RYR2: variants seen among roughly 807,000 people sequenced by gnomAD.
RYR2 encodes the protein ryanodine receptor 2.
Under a neutral mutation model 601.1 loss-of-function variants are expected in RYR2, and 227 were observed. The ratio of observed to expected loss-of-function variants is 0.38; its 90% CI spans 0.34 to 0.42. The LOEUF is 0.42. Ranked by LOEUF, RYR2 falls within the 10% of genes least tolerant of loss-of-function variation. The pLI is 1.00. For synonymous variants in RYR2, 2,223 were observed against 2,175.1 expected (o/e 1.02, Z -0.61); for missense variants, 4,646 against 6,156.5 (o/e 0.75, Z 8.21).
chr1:237,356,028 G>C, intron 4 of RYR2, 43 bp downstream of exon 4: 1 of 1,568,500 alleles, frequency 6.4e-7, no homozygotes, highest in Non-Finnish European at 8.7e-7. Context: ...TGATCTAAAA[G>C]TGCATGCTTG....
chr1:237,577,946 G>A (rs764486373), intron 29 of RYR2, among the ~76,000 whole-genome samples: 1 of 152,096 alleles, frequency 6.6e-6, no homozygotes, highest in Non-Finnish European at 1.5e-5. Flanking sequence ...TGGATTCCAG[G>A]CACATGCCAC....
chr1:237,216,200 G>A (rs1286050250), intron 1 of RYR2, among the ~76,000 whole-genome samples: 2 of 151,950 alleles, frequency 1.3e-5, no homozygotes, highest in South Asian at 4.2e-4. Context: ...GAATTTTCAG[G>A]TTCATAGATG....
At chr1:237,760,749 T>C (rs1338428726) in intron 83 of RYR2, among the ~76,000 whole-genome samples, 2 of 152,186 alleles carry the variant, frequency 1.3e-5, no homozygotes, top group Admixed American at 6.5e-5. Context: ...GACTTTCACA[T>C]GGATCATTTC....
intron 1 of RYR2, among the ~76,000 whole-genome samples, chr1:237,169,530 C>A (rs1439172866): frequency 9.6e-5 from 2 of 20,852 alleles, no homozygotes; most frequent in Non-Finnish European, 1.4e-3. Context: ...GAACTCCTGA[C>A]CTCGTGATCC....
chr1:237,187,658 G>T (rs1679519510), intron 1 of RYR2, among the ~76,000 whole-genome samples: 1 of 151,458 alleles, frequency 6.6e-6, no homozygotes, highest in South Asian at 2.1e-4. Context: ...TACCCAGGCT[G>T]GTATTGACCT....
intron 1 of RYR2, among the ~76,000 whole-genome samples, chr1:237,071,905 C>T (rs867362763): frequency 3.9e-5 from 6 of 152,206 alleles, no homozygotes; most frequent in South Asian, 2.1e-4. Flanking sequence ...GGTGTGTTAT[C>T]GCTGCCTTGA....
chr1:237,670,009 G>A (rs921708387), intron 58 of RYR2, among the ~76,000 whole-genome samples: 13 of 152,160 alleles, frequency 8.5e-5, no homozygotes, highest in Middle Eastern at 3.4e-3. Flanking sequence ...ATTGAGCACT[G>A]AGTGAACGAG....
intron 1 of RYR2, among the ~76,000 whole-genome samples, chr1:237,250,719 C>T (rs1470388481): frequency 6.6e-6 from 1 of 152,206 alleles, no homozygotes; most frequent in African/African-American, 2.4e-5. Context: ...ACCACCTCCA[C>T]CTGTGCTTTG....
chr1:237,806,869 G>A (rs1295993339), intron 99 of RYR2, among the ~76,000 whole-genome samples: 1 of 152,198 alleles, frequency 6.6e-6, no homozygotes, highest in Non-Finnish European at 1.5e-5. Flanking sequence ...AATGGAACCT[G>A]TTCTTAATGT....
At chr1:237,062,650 TCATCTGTA>T (rs1196697884) in intron 1 of RYR2, among the ~76,000 whole-genome samples, 1 of 152,228 alleles carries the variant, frequency 6.6e-6, no homozygotes, top group Non-Finnish European at 1.5e-5. Flanking sequence ...CCCAGTCATG[TCATCTGTA>T]CATACTGACC....
At chr1:237,642,660 G>A (rs1360137566) in intron 47 of RYR2, among the ~76,000 whole-genome samples, 10 of 152,186 alleles carry the variant, frequency 6.6e-5, no homozygotes, top group East Asian at 1.9e-4. Flanking sequence ...TGAGTTTCAC[G>A]CCCTGTAATG....
chr1:237,448,421 A>G (rs531056480), intron 14 of RYR2, among the ~76,000 whole-genome samples: 112 of 152,338 alleles, frequency 7.4e-4, no homozygotes, highest in Non-Finnish European at 1.3e-3. Context: ...GGCTTAGAAT[A>G]AACTTTATTT....
At chr1:237,690,383 C>G (rs933006237) in intron 63 of RYR2, among the ~76,000 whole-genome samples, 3 of 152,042 alleles carry the variant, frequency 2.0e-5, no homozygotes, top group Non-Finnish European at 4.4e-5. Flanking sequence ...ACCTAATAAA[C>G]CTAGAGATCA....
At chr1:237,467,411 A>G (rs989018486) in intron 16 of RYR2, among the ~76,000 whole-genome samples, 1 of 152,140 alleles carries the variant, frequency 6.6e-6, no homozygotes, top group African/African-American at 2.4e-5. Context: ...CTTACAGAAT[A>G]AAATTAGTTC....
At chr1:237,046,391 A>G (rs941049718) in intron 1 of RYR2, among the ~76,000 whole-genome samples, 2 of 152,222 alleles carry the variant, frequency 1.3e-5, no homozygotes, top group African/African-American at 4.8e-5. Flanking sequence ...AAAGAATACC[A>G]AGTCAGTTTT....
chr1:237,595,829 C>T (rs989962824), intron 34 of RYR2, among the ~76,000 whole-genome samples, 172 bp downstream of exon 34: 2 of 152,172 alleles, frequency 1.3e-5, no homozygotes, highest in African/African-American at 4.8e-5. Flanking sequence ...ATAGCTGTCC[C>T]AGCCACTGCA....
At chr1:237,346,833 C>T (rs925169683) in intron 3 of RYR2, among the ~76,000 whole-genome samples, 1 of 152,156 alleles carries the variant, frequency 6.6e-6, no homozygotes, top group Non-Finnish European at 1.5e-5. Flanking sequence ...TACATAATCC[C>T]ATATGATATT....
intron 4 of RYR2, among the ~76,000 whole-genome samples, chr1:237,357,883 A>T (rs1235617554): frequency 1.3e-5 from 2 of 152,206 alleles, no homozygotes; most frequent in African/African-American, 4.8e-5. Context: ...TTCATTTGGA[A>T]GTCATATAAT....
In RYR2 at chr1:237,806,166, T is replaced by A; in HGVS notation, c.14181T>A (p.Thr4727=). ...NSFLYLAWYM[T]MSVLGHYNNF... ...TCCTCTACCTAGCCTGGTATATGAC[T>A]ATGTCTGTTCTTGGACACTATAACA... The change falls in exon 99 of 105, where the codon ACT becomes ACA. Residue 4727 remains threonine, a synonymous_variant. Transcript: ENST00000366574. 1.9e-6 allele frequency: 3 copies of A among 1,613,796 alleles called. No individual in the cohort carries two copies. The highest frequency in any genetic ancestry group is 2.5e-6 in the Non-Finnish European group (3 of 1,179,682).
Sources: allele counts gnomAD v4.1 joint callset (sites outside exome capture counted in the v4.1 genomes callset), GRCh38; gene constraint gnomAD v4.1.1; transcripts MANE v1.5; gene names NCBI Gene and HGNC (gene_info 2026-07-23, HGNC 2026-07-21).